Variants in CHST11 observed in about 807,000 individuals in gnomAD.
CHST11 encodes carbohydrate sulfotransferase 11, also known as C4S-1.
Under a neutral mutation model 30.4 loss-of-function variants are expected in CHST11, and 9 were observed. That is an observed-to-expected ratio of 0.30 (90% CI 0.18 to 0.52). CHST11 has a LOEUF of 0.52. Among genes scored for constraint, CHST11 ranks in the 20% least tolerant of loss-of-function variants. The pLI, the probability that CHST11 is intolerant of heterozygous loss-of-function variation, is 0.97. For synonymous variants in CHST11, 152 were observed against 187.8 expected (o/e 0.81, Z 1.56); for missense variants, 348 against 460.6 (o/e 0.76, Z 2.24).
intron 1 of CHST11, among the ~76,000 whole-genome samples, chr12:104,471,734 G>A (rs906043120): frequency 6.6e-6 from 1 of 152,118 alleles, no homozygotes; most frequent in Non-Finnish European, 1.5e-5. Flanking sequence ...ATTGCAACAG[G>A]TACTCAATAT....
chr12:104,748,982 G>A (rs2040410040), intron 2 of CHST11, among the ~76,000 whole-genome samples: 3 of 152,220 alleles, frequency 2.0e-5, no homozygotes, highest in African/African-American at 7.2e-5. Flanking sequence ...ATGACGCATG[G>A]TTGGAGTAGG....
chr12:104,697,422 A>G (rs2039956718), intron 2 of CHST11, among the ~76,000 whole-genome samples: 1 of 152,146 alleles, frequency 6.6e-6, no homozygotes, highest in African/African-American at 2.4e-5. Context: ...AGGTGGAGGA[A>G]GGGCCAATTC....
chr12:104,574,128 C>T (rs2038658476), intron 1 of CHST11, among the ~76,000 whole-genome samples: 1 of 152,166 alleles, frequency 6.6e-6, no homozygotes, highest in African/African-American at 2.4e-5. Flanking sequence ...CATCACTGGC[C>T]ATCAGAGAAA....
At chr12:104,568,875 C>T (rs2038596447) in intron 1 of CHST11, among the ~76,000 whole-genome samples, 1 of 152,116 alleles carries the variant, frequency 6.6e-6, no homozygotes. Flanking sequence ...TTGAAACCTA[C>T]CATTGGAGAT....
chr12:104,500,744 T>C (rs947791195), intron 1 of CHST11, among the ~76,000 whole-genome samples: 1 of 152,200 alleles, frequency 6.6e-6, no homozygotes, highest in African/African-American at 2.4e-5. Flanking sequence ...AGTGGTCAGT[T>C]TTTGACCTGG....
At chr12:104,530,158 CA>C (rs1244933653) in intron 1 of CHST11, among the ~76,000 whole-genome samples, 2 of 152,060 alleles carry the variant, frequency 1.3e-5, no homozygotes, top group African/African-American at 4.8e-5. Context: ...GACTCTGTCT[CA>C]AAGCACTATT....
intron 1 of CHST11, among the ~76,000 whole-genome samples, chr12:104,496,130 G>C (rs1008335484): frequency 2.6e-5 from 4 of 152,224 alleles, no homozygotes; most frequent in Admixed American, 2.6e-4. Context: ...GAAAATGTGA[G>C]GAGAGAGGCA....
chr12:104,730,673 G>A (rs925848102), intron 2 of CHST11, among the ~76,000 whole-genome samples: 2 of 152,186 alleles, frequency 1.3e-5, no homozygotes, highest in African/African-American at 4.8e-5. Flanking sequence ...TCCAGGTGGA[G>A]GGAATGGCAT....
intron 2 of CHST11, among the ~76,000 whole-genome samples, chr12:104,655,163 A>G (rs2039531091): frequency 6.6e-6 from 1 of 152,226 alleles, no homozygotes; most frequent in Non-Finnish European, 1.5e-5. Flanking sequence ...GGGCTTTGTC[A>G]AGTTGACGGG....
chr12:104,723,146 T>C (rs560232507), intron 2 of CHST11, among the ~76,000 whole-genome samples: 1 of 152,118 alleles, frequency 6.6e-6, no homozygotes, highest in South Asian at 2.1e-4. Context: ...GGAGTCATGA[T>C]AGCAGTCAGC....
At chr12:104,662,751 A>G (rs1342945241) in intron 2 of CHST11, among the ~76,000 whole-genome samples, 1 of 152,134 alleles carries the variant, frequency 6.6e-6, no homozygotes, top group Non-Finnish European at 1.5e-5. Flanking sequence ...TCAGAGGAGG[A>G]GGGTCTGTTT....
At chr12:104,582,841 T>G (rs531004422) in intron 1 of CHST11, among the ~76,000 whole-genome samples, 21 of 151,686 alleles carry the variant, frequency 1.4e-4, no homozygotes, top group Admixed American at 5.9e-4. Flanking sequence ...AAATGTCTTC[T>G]GCTTGTACCT....
At chr12:104,677,759 G>A (rs899773522) in intron 2 of CHST11, among the ~76,000 whole-genome samples, 28 of 152,238 alleles carry the variant, frequency 1.8e-4, no homozygotes, top group African/African-American at 5.8e-4. Context: ...GCCAAGACGG[G>A]CGGTTAGAGA....
intron 1 of CHST11, among the ~76,000 whole-genome samples, chr12:104,546,478 AAGAT>A (rs1231520503): frequency 1.2e-3 from 42 of 34,666 alleles, no homozygotes; most frequent in Non-Finnish European, 2.5e-3. Flanking sequence ...AAAAAAAAAA[AAGAT>A]TTAAATTTCC....
intron 1 of CHST11, among the ~76,000 whole-genome samples, chr12:104,491,213 T>C (rs2037741895): frequency 6.6e-6 from 1 of 152,164 alleles, no homozygotes; most frequent in Non-Finnish European, 1.5e-5. Flanking sequence ...ACATCTCCCT[T>C]CATCACCATT....
chr12:104,664,153 C>T (rs896909591), intron 2 of CHST11, among the ~76,000 whole-genome samples: 3 of 152,094 alleles, frequency 2.0e-5, no homozygotes, highest in Non-Finnish European at 4.4e-5. Flanking sequence ...TTCTATAAAC[C>T]GCGAAATGCT....
At chr12:104,506,336 A>G (rs1457074199) in intron 1 of CHST11, among the ~76,000 whole-genome samples, 2 of 152,224 alleles carry the variant, frequency 1.3e-5, no homozygotes, top group Non-Finnish European at 2.9e-5. Flanking sequence ...CTGGGGTTAT[A>G]TAACATCACA....
chr12:104,700,595 G>A (rs185679804), intron 2 of CHST11, among the ~76,000 whole-genome samples: 129 of 152,300 alleles, frequency 8.5e-4, no homozygotes, highest in African/African-American at 2.8e-3. Flanking sequence ...TGTAAGATGG[G>A]AGGGTTATAG....
At chr12:104,728,970 A>G (rs1445926270) in intron 2 of CHST11, among the ~76,000 whole-genome samples, 1 of 152,230 alleles carries the variant, frequency 6.6e-6, no homozygotes, top group Non-Finnish European at 1.5e-5. Flanking sequence ...AAAACAGTAT[A>G]ATACCAATTA....
Sources: gnomAD v4.1 joint callset for allele counts (sites outside exome capture counted in the v4.1 genomes callset) on GRCh38, gnomAD v4.1.1 for gene constraint, MANE v1.5 for transcripts, NCBI Gene and HGNC (gene_info 2026-07-23, HGNC 2026-07-21) for gene names.